The following RNF212 variants were observed in gnomAD, a reference collection of about 807,000 sequenced individuals.
RNF212 encodes the protein probable E3 SUMO-protein ligase RNF212.
Under a neutral mutation model 34.7 loss-of-function variants are expected in RNF212, and 33 were observed. That is an observed-to-expected ratio of 0.95 (90% CI 0.72 to 1.27). RNF212 has a LOEUF of 1.27. Among genes scored for constraint, RNF212 ranks in the 50% most tolerant of loss-of-function variants. RNF212 has a pLI of 0.00. For synonymous variants in RNF212, 140 were observed against 136.1 expected (o/e 1.03, Z -0.20); for missense variants, 377 against 362.2 (o/e 1.04, Z -0.33).
chr4:1,067,198 A>C (rs928346338), downstream of RNF212, among the ~76,000 whole-genome samples: 1 of 152,210 alleles, frequency 6.6e-6, no homozygotes. Flanking sequence ...GGGCTTCAAC[A>C]TATGAATTTT....
downstream of RNF212, among the ~76,000 whole-genome samples, chr4:1,069,468 T>C (rs936488563): frequency 1.3e-5 from 2 of 152,142 alleles, no homozygotes; most frequent in Admixed American, 6.5e-5. Flanking sequence ...ATGGGGGACA[T>C]AGTGGCTGCA....
At chr4:1,112,003 A>G (rs997528363) in intron 1 of RNF212, among the ~76,000 whole-genome samples, 4 of 152,226 alleles carry the variant, frequency 2.6e-5, no homozygotes, top group Non-Finnish European at 4.4e-5. Flanking sequence ...GAGGACAGGA[A>G]TTGGAGACCA....
intron 8 of RNF212, among the ~76,000 whole-genome samples, chr4:1,079,211 A>ACCAACATGGGACCAACACAGG (rs1719910277): frequency 1.6e-5 from 2 of 125,166 alleles, no homozygotes; most frequent in East Asian, 2.5e-4. Context: ...ACCAACATAG[A>ACCAACATGGGACCAACACAGG]GTCAACACAG....
intron 1 of RNF212, among the ~76,000 whole-genome samples, chr4:1,109,214 G>C (rs1161946950): frequency 6.6e-6 from 1 of 151,820 alleles, no homozygotes; most frequent in Admixed American, 6.6e-5. Context: ...TGCCATGTTG[G>C]CCAGGCTGGT....
At chr4:1,113,302 T>G in intron 1 of RNF212, 54 bp downstream of exon 1, 1 of 277,460 alleles carries the variant, frequency 3.6e-6, no homozygotes. Context: ...CGGAGTTCCC[T>G]GACCCCCTTG....
At chr4:1,099,753 A>G (rs1401262972) in intron 2 of RNF212, 2 of 456,170 alleles carry the variant, frequency 4.4e-6, no homozygotes, top group East Asian at 6.9e-5. Context: ...TGACGTCATC[A>G]TGGCAGAGGG....
Position 1,072,554 on chromosome 4 carries a change from TA to T in RNF212, c.*319del. ...CTTCCTTTCAATTTTTCTGTGAACC[TA>T]AAACTGCTCTAAGAAAAAGTTTTAA... On this transcript the variant is annotated 3_prime_UTR_variant, in exon 10 of 10. Transcript: ENST00000433731. 1.7e-6 allele frequency: 1 copy of T among 580,196 alleles called. No individual in the cohort carries two copies. Among genetic ancestry groups the T allele is most frequent in the Non-Finnish European group, 2.3e-6 (1 of 434,338 alleles). The allele number at this position is 580,196 out of a possible 1,614,324, so 35.9% of individuals were successfully genotyped here. A position where few individuals can be genotyped will look rare whatever the true frequency, so the allele number is the denominator to read the frequency against.
At chr4:1,073,225 G>A (rs774830888) in intron 9 of RNF212, 32 bp from the exon 10 acceptor site, 6 of 1,606,072 alleles carry the variant, frequency 3.7e-6, no homozygotes, top group Non-Finnish European at 5.1e-6. Flanking sequence ...AGCGTGTGGG[G>A]AGATGGCCTG....
At chr4:1,080,912 G>C (rs1227627270) in intron 7 of RNF212, among the ~76,000 whole-genome samples, 2 of 152,246 alleles carry the variant, frequency 1.3e-5, no homozygotes, top group East Asian at 1.9e-4. Flanking sequence ...CCCTGTGCCA[G>C]AGTGATGGCC....
chr4:1,070,819 G>A (rs1718427722), downstream of RNF212, among the ~76,000 whole-genome samples: 1 of 152,170 alleles, frequency 6.6e-6, no homozygotes, highest in African/African-American at 2.4e-5. Flanking sequence ...GACAGATTGG[G>A]AGCAAATTAA....
intron 5 of RNF212, among the ~76,000 whole-genome samples, chr4:1,083,431 T>C (rs1720669674): frequency 6.6e-6 from 1 of 151,990 alleles, no homozygotes. Flanking sequence ...TCACCTGAGG[T>C]CAGGAGTTCG....
chr4:1,090,675 T>G, intron 4 of RNF212, 107 bp downstream of exon 4: 1 of 729,750 alleles, frequency 1.4e-6, no homozygotes, highest in African/African-American at 1.8e-5. Flanking sequence ...AAACAGATAT[T>G]GCATCTAGCA....
intron 8 of RNF212, among the ~76,000 whole-genome samples, chr4:1,078,824 A>G (rs1577670779): frequency 6.6e-6 from 1 of 152,058 alleles, no homozygotes; most frequent in Non-Finnish European, 1.5e-5. Flanking sequence ...GGGTCAACAC[A>G]GGACCAACAC....
chr4:1,064,908 C>T (rs1158100034), intron 3 of RNF212, among the ~76,000 whole-genome samples: 2 of 152,214 alleles, frequency 1.3e-5, no homozygotes. Context: ...TGTGTTTCTG[C>T]GACTGGCTTA....
intron 4 of RNF212, among the ~76,000 whole-genome samples, chr4:1,057,382 C>T (rs1027985302): frequency 2.6e-5 from 4 of 152,096 alleles, no homozygotes; most frequent in African/African-American, 4.8e-5. Flanking sequence ...CACACGAGTT[C>T]GGTTGACAGA....
intron 4 of RNF212, among the ~76,000 whole-genome samples, chr4:1,087,687 A>C (rs1461920338): frequency 6.6e-6 from 1 of 150,782 alleles, no homozygotes. Flanking sequence ...CCCAAGTCTC[A>C]TCTCAAATTG....
At chr4:1,113,671 T>A, upstream of RNF212, 2 of 470,526 alleles carry the variant, frequency 4.3e-6, no homozygotes, top group East Asian at 7.7e-5. Context: ...GTGTGACTCG[T>A]CTCCCAGGTC....
chr4:1,097,461 C>T (rs748210235), intron 2 of RNF212, among the ~76,000 whole-genome samples: 2 of 151,870 alleles, frequency 1.3e-5, no homozygotes, highest in Admixed American at 6.6e-5. Flanking sequence ...AAAAATTAGC[C>T]GGGCGTGGTG....
chr4:1,104,870 T>C (rs1724568654), intron 2 of RNF212, among the ~76,000 whole-genome samples: 1 of 151,820 alleles, frequency 6.6e-6, no homozygotes, highest in African/African-American at 2.4e-5. Context: ...TAAGAAACAC[T>C]CCCCACCACA....
Sources: allele counts gnomAD v4.1 joint callset (sites outside exome capture counted in the v4.1 genomes callset), GRCh38; gene constraint gnomAD v4.1.1; transcripts MANE v1.5; gene names NCBI Gene and HGNC (gene_info 2026-07-23, HGNC 2026-07-21).